PLXNA2: variants seen among roughly 807,000 people sequenced by gnomAD.
PLXNA2 encodes the protein plexin-A2.
PLXNA2 carries 91 observed loss-of-function variants against 193.5 expected under a neutral mutation model. The ratio of observed to expected loss-of-function variants is 0.47; its 90% CI spans 0.40 to 0.56. The LOEUF is 0.56. Ranked by LOEUF, PLXNA2 falls within the 20% of genes least tolerant of loss-of-function variation. The probability of loss-of-function intolerance (pLI) is 0.00; values close to 1 mark genes in which losing one functional copy is unlikely to be tolerated. For synonymous variants in PLXNA2, 997 were observed against 1,027.3 expected (o/e 0.97, Z 0.56); for missense variants, 1,995 against 2,503.2 (o/e 0.80, Z 4.33).
Position 208,038,784 on chromosome 1 carries a change from T to C in PLXNA2, c.4660+41A>G, listed in dbSNP as rs151009737. ...GCATGGCAGCTTCCCTTCCTTCACC[T>C]CTCAACCCCTGCCCTCACACTCTGA... On this transcript the variant is annotated intron_variant, in intron 25 of 31. Transcript: ENST00000367033. This position sits in a 1 kb window ranked among gnomAD's most constrained non-coding sequence, Gnocchi z 4.1. 20,884 of 1,596,832 alleles carry C rather than the reference T, an allele frequency of 0.013. 315 individuals are homozygous for C. The highest frequency in any genetic ancestry group is 0.063 in the Middle Eastern group (377 of 6,000).
intron 4 of PLXNA2, among the ~76,000 whole-genome samples, chr1:208,126,818 A>C: frequency 6.6e-6 from 1 of 151,728 alleles, no homozygotes; most frequent in African/African-American, 2.4e-5. Flanking sequence ...CCCTGCTCTC[A>C]CTCTCTCTTC....
chr1:208,052,702 CAG>C (rs1392158514), intron 14 of PLXNA2, among the ~76,000 whole-genome samples: 1 of 152,206 alleles, frequency 6.6e-6, no homozygotes, highest in African/African-American at 2.4e-5. Context: ...ATTAACTCCC[CAG>C]AGTCTCATGC....
At chr1:208,060,345 A>G (rs1318065588) in intron 13 of PLXNA2, among the ~76,000 whole-genome samples, 8 of 152,120 alleles carry the variant, frequency 5.3e-5, no homozygotes, top group Non-Finnish European at 1.2e-4. Context: ...AGCCCACCAT[A>G]CAGGATGCAT....
At chr1:208,040,622 T>C (rs1380121864) in intron 22 of PLXNA2, among the ~76,000 whole-genome samples, 1 of 152,222 alleles carries the variant, frequency 6.6e-6, no homozygotes, top group East Asian at 1.9e-4. Context: ...AGTATTCCTA[T>C]CACTAAATGG....
intron 12 of PLXNA2, among the ~76,000 whole-genome samples, chr1:208,077,831 CT>C (rs1383815736): frequency 6.6e-6 from 1 of 152,132 alleles, no homozygotes; most frequent in Non-Finnish European, 1.5e-5. Context: ...GTAGCTCTGT[CT>C]TTGAAAGGCA....
At position 208,026,652 on chromosome 1, in the gene PLXNA2, C is replaced by CTCTTTTTT. The variant is rs1553270771; in HGVS notation, c.*590_*591insAAAAAAGA. The CTCTTTTTT allele has an allele frequency of 1.4e-5, 2 of 140,814 alleles. No individual in the cohort carries two copies. 8.7% of individuals were successfully genotyped at this position (140,814 alleles called of 1,614,324 possible). A position where few individuals can be genotyped will look rare whatever the true frequency, so the allele number is the denominator to read the frequency against. On this transcript the variant is annotated 3_prime_UTR_variant, in exon 32 of 32. Transcript: ENST00000367033. Reference sequence around the variant, plus strand: ...TCATCATTCTTCTTCTCCTCTTTCTCTTTTTTTTTTTTTTTTTAATTTCAA... The same window carrying CTCTTTTTT: ...TCATCATTCTTCTTCTCCTCTTTCTCTCTTTTTTTTTTTTTTTTTTTTTTTAATTTCAA...
chr1:208,139,999 C>T (rs1046079087), intron 4 of PLXNA2, among the ~76,000 whole-genome samples: 5 of 152,180 alleles, frequency 3.3e-5, no homozygotes, highest in African/African-American at 1.2e-4. Context: ...AGGGAGCTCC[C>T]CCTACTAATA....
chr1:208,161,500 T>C (rs1311987110), intron 3 of PLXNA2, among the ~76,000 whole-genome samples: 2 of 152,120 alleles, frequency 1.3e-5, no homozygotes, highest in African/African-American at 4.8e-5. Flanking sequence ...TTAAAAACAG[T>C]CCTGAAATGT....
intron 3 of PLXNA2, among the ~76,000 whole-genome samples, chr1:208,204,032 C>T (rs559458672): frequency 1.1e-4 from 16 of 152,300 alleles, no homozygotes; most frequent in Non-Finnish European, 2.2e-4. Flanking sequence ...AGAATTGGGA[C>T]GTCAGGGCTT....
chr1:208,113,546 C>CTTTTT (rs397695261), intron 4 of PLXNA2, among the ~76,000 whole-genome samples: 45 of 105,678 alleles, frequency 4.3e-4, no homozygotes, highest in Non-Finnish European at 4.3e-4. Flanking sequence ...CTCTCTCTCT[C>CTTTTT]TTTTTTTTTT....
chr1:208,229,743 T>G (rs1671627144), intron 1 of PLXNA2, among the ~76,000 whole-genome samples: 1 of 152,204 alleles, frequency 6.6e-6, no homozygotes, highest in Non-Finnish European at 1.5e-5. Context: ...GCAAGACAGC[T>G]CCAGAGCCGT....
At chr1:208,153,595 A>G (rs1668837256) in intron 3 of PLXNA2, among the ~76,000 whole-genome samples, 2 of 152,210 alleles carry the variant, frequency 1.3e-5, no homozygotes, top group African/African-American at 4.8e-5. Context: ...ATAAACACTC[A>G]AGGTACTGCT....
chr1:208,171,910 G>A (rs541825774), intron 3 of PLXNA2, among the ~76,000 whole-genome samples: 45 of 151,738 alleles, frequency 3.0e-4, no homozygotes, highest in African/African-American at 1.0e-3. Context: ...AGGATTATGT[G>A]GTGAGAATTA....
At chr1:208,059,096 G>C (rs1441111577) in intron 13 of PLXNA2, among the ~76,000 whole-genome samples, 1 of 152,178 alleles carries the variant, frequency 6.6e-6, no homozygotes, top group East Asian at 1.9e-4. Flanking sequence ...AGGGGCCCAA[G>C]GGAGGTCCTT....
intron 4 of PLXNA2, among the ~76,000 whole-genome samples, chr1:208,121,982 T>C (rs1214934402): frequency 6.6e-6 from 1 of 151,946 alleles, no homozygotes; most frequent in Non-Finnish European, 1.5e-5. Flanking sequence ...CCCACCACAC[T>C]CATCTCCCCT....
chr1:208,125,267 G>C (rs1253756924), intron 4 of PLXNA2, among the ~76,000 whole-genome samples: 4 of 152,214 alleles, frequency 2.6e-5, no homozygotes, highest in African/African-American at 9.7e-5. Context: ...GTATACCAGT[G>C]AAGGCTGGTC....
At chr1:208,101,451 T>C (rs1199688780) in intron 5 of PLXNA2, among the ~76,000 whole-genome samples, 1 of 152,164 alleles carries the variant, frequency 6.6e-6, no homozygotes, top group African/African-American at 2.4e-5. Flanking sequence ...GCAAAAATCT[T>C]GTTCTCCGCG....
chr1:208,186,730 T>TTTTTTTTA (rs1670016370), intron 3 of PLXNA2, among the ~76,000 whole-genome samples: 1 of 148,806 alleles, frequency 6.7e-6, no homozygotes, highest in African/African-American at 2.5e-5. Context: ...TTTTTTTTTT[T>TTTTTTTTA]GAGACGGAGT....
Position 208,039,744 on chromosome 1 carries a change from G to A in PLXNA2, c.4377C>T (p.Phe1459=), listed in dbSNP as rs761291425. 21 of 1,614,054 alleles carry A rather than the reference G, an allele frequency of 1.3e-5. No individual in the cohort carries two copies. Among genetic ancestry groups the A allele is most frequent in the Non-Finnish European group, 1.7e-5 (20 of 1,180,046 alleles). ...FLKECAGEPL[F]MLYCAIKQQM... ...GCTGCTTGATGGCACAGTATAGCATGAAGAGTGGCTCCCCTGCGCACTCCT... is the reference window on the plus strand; with the variant it reads ...GCTGCTTGATGGCACAGTATAGCATAAAGAGTGGCTCCCCTGCGCACTCCT... The change falls in exon 24 of 32, where the codon TTC becomes TTT. Residue 1459 remains phenylalanine, a synonymous_variant. Transcript: ENST00000367033.
Sources: allele counts gnomAD v4.1 joint callset (sites outside exome capture counted in the v4.1 genomes callset), GRCh38; gene constraint gnomAD v4.1.1; non-coding constraint Gnocchi (gnomAD v3.1); transcripts MANE v1.5; gene names NCBI Gene and HGNC (gene_info 2026-07-23, HGNC 2026-07-21).